Variants in PACS1 observed in about 807,000 individuals in gnomAD.
PACS1 encodes the protein phosphofurin acidic cluster sorting protein 1.
Under a neutral mutation model 115.0 loss-of-function variants are expected in PACS1, and 24 were observed. The observed-to-expected ratio is 0.21, with a 90% CI of 0.15 to 0.29. PACS1 has a LOEUF of 0.29. Among genes scored for constraint, PACS1 ranks in the 10% least tolerant of loss-of-function variants. PACS1 has a pLI of 1.00. For missense variants in PACS1, 838 were observed against 1,251.2 expected (o/e 0.67, Z 4.98); for synonymous variants, 453 against 504.5 (o/e 0.90, Z 1.37).
chr11:66,101,741 C>T (rs905790362), intron 1 of PACS1, among the ~76,000 whole-genome samples: 3 of 152,056 alleles, frequency 2.0e-5, no homozygotes, highest in Non-Finnish European at 4.4e-5. Context: ...ACCTACCAGG[C>T]AGTTGAATAC....
At chr11:66,106,638 G>A (rs1208140583) in intron 1 of PACS1, among the ~76,000 whole-genome samples, 1 of 152,000 alleles carries the variant, frequency 6.6e-6, no homozygotes, top group African/African-American at 2.4e-5. Flanking sequence ...GCTACTGGGT[G>A]GAGGTGAAGA....
intron 2 of PACS1, among the ~76,000 whole-genome samples, chr11:66,206,859 A>T (rs1024079669): frequency 3.3e-5 from 5 of 152,230 alleles, no homozygotes; most frequent in Non-Finnish European, 7.3e-5. Flanking sequence ...TCAGGCCTTC[A>T]TATTCTGTGA....
chr11:66,071,011 CCT>C (rs1857299821), intron 1 of PACS1, among the ~76,000 whole-genome samples, 169 bp downstream of exon 1: 1 of 152,128 alleles, frequency 6.6e-6, no homozygotes, highest in African/African-American at 2.4e-5. Context: ...GGGGACCCGC[CCT>C]CTCCTGGCAG....
intron 1 of PACS1, among the ~76,000 whole-genome samples, chr11:66,157,294 T>C (rs532428791): frequency 6.6e-6 from 1 of 152,212 alleles, no homozygotes; most frequent in South Asian, 2.1e-4. Flanking sequence ...GCCAGAATTT[T>C]TCCCTACAAA....
chr11:66,168,753 T>C (rs1859667808), intron 1 of PACS1, among the ~76,000 whole-genome samples: 1 of 89,434 alleles, frequency 1.1e-5, no homozygotes, highest in African/African-American at 4.8e-5. Flanking sequence ...TATATATATA[T>C]GTGTGTGTGT....
At chr11:66,183,701 G>A (rs1860054950) in intron 1 of PACS1, among the ~76,000 whole-genome samples, 1 of 152,230 alleles carries the variant, frequency 6.6e-6, no homozygotes, top group South Asian at 2.1e-4. Context: ...GCTTTATTGA[G>A]GTGGCAGTGT....
intron 1 of PACS1, among the ~76,000 whole-genome samples, chr11:66,181,460 C>T (rs529793939): frequency 2.4e-4 from 36 of 152,176 alleles, no homozygotes; most frequent in African/African-American, 8.4e-4. Context: ...GTGATCCACC[C>T]ACCTCAGCTT....
intron 1 of PACS1, among the ~76,000 whole-genome samples, chr11:66,161,192 T>C (rs1859481424): frequency 1.3e-5 from 2 of 152,128 alleles, no homozygotes; most frequent in Admixed American, 1.3e-4. Context: ...AATATATATA[T>C]GGCACTCATG....
In PACS1 at chr11:66,227,411, T is replaced by C. The variant is rs574632512; in HGVS notation, c.1294-93T>C. The stretch of plus-strand genomic sequence containing the variant: ...AGATTTTATGAGGTTTGAGATTAAA[T>C]GAAAGTATTTTAAGCTTCATAGGGA... On this transcript the variant is annotated intron_variant, in intron 10 of 23. Transcript: ENST00000320580. 1.7e-5 allele frequency: 12 copies of C among 717,260 alleles called. No individual in the cohort carries two copies. In the Admixed American group the frequency reaches 3.3e-4, roughly 20 times the overall value. The allele number at this position is 717,260 out of a possible 1,614,324, so 44.4% of individuals were successfully genotyped here.
intron 1 of PACS1, among the ~76,000 whole-genome samples, chr11:66,150,151 A>C (rs1389792720): frequency 6.6e-6 from 1 of 152,210 alleles, no homozygotes; most frequent in Non-Finnish European, 1.5e-5. Flanking sequence ...GTGAATATTT[A>C]TACTTTATTA....
chr11:66,209,342 G>A (rs1855018565), intron 2 of PACS1, among the ~76,000 whole-genome samples: 1 of 151,934 alleles, frequency 6.6e-6, no homozygotes, highest in Non-Finnish European at 1.5e-5. Flanking sequence ...TAAGAGGGCT[G>A]TCTAACCCAA....
intron 1 of PACS1, among the ~76,000 whole-genome samples, chr11:66,117,737 T>C (rs1448559021): frequency 6.6e-6 from 1 of 151,800 alleles, no homozygotes; most frequent in Non-Finnish European, 1.5e-5. Flanking sequence ...TTCCAGCTAC[T>C]TGGGAGGCTG....
At chr11:66,220,441 G>C in intron 8 of PACS1, 190 bp from the exon 9 acceptor site, 1 of 589,886 alleles carries the variant, frequency 1.7e-6, no homozygotes, top group South Asian at 2.1e-5. Flanking sequence ...CTGGGGGGAA[G>C]GTGGCCTCAC....
chr11:66,128,021 C>G (rs1431574607), intron 1 of PACS1, among the ~76,000 whole-genome samples: 1 of 152,016 alleles, frequency 6.6e-6, no homozygotes, highest in African/African-American at 2.4e-5. Context: ...CAGCAAATTC[C>G]AAACTGCATT....
In PACS1 at chr11:66,185,747, A is replaced by G. The variant is rs1040193689; in HGVS notation, c.357-7739A>G. Among the ~76,000 whole-genome samples, 5 of 152,180 alleles carry G rather than the reference A, an allele frequency of 3.3e-5. No homozygotes were observed. In the South Asian group the frequency reaches 1.0e-3, roughly 32 times the overall value. The stretch of plus-strand genomic sequence containing the variant: ...CTTTTGAGATATCTTCTCTTCCTTC[A>G]TAAGGATGAGACCCAGGGTTTCCTG... On this transcript the variant is annotated intron_variant, in intron 1 of 23. Coordinates refer to ENST00000320580, the MANE Select transcript of PACS1 (RefSeq NM_018026.4).
At chr11:66,162,295 T>C (rs1042925583) in intron 1 of PACS1, among the ~76,000 whole-genome samples, 1 of 152,018 alleles carries the variant, frequency 6.6e-6, no homozygotes, top group African/African-American at 2.4e-5. Flanking sequence ...CTAATTTTTG[T>C]ATTTTTAGTA....
At chr11:66,199,541 T>C (rs575124511) in intron 2 of PACS1, among the ~76,000 whole-genome samples, 1 of 151,220 alleles carries the variant, frequency 6.6e-6, no homozygotes, top group South Asian at 2.1e-4. Flanking sequence ...AAACATACCA[T>C]CAGAGAAAAT....
rs1381670510 is a variant in PACS1 at position 66,211,125 on chromosome 11, A to G, written c.535-9A>G. The G allele has an allele frequency of 1.2e-6, 2 of 1,613,278 alleles. No individual in the cohort carries two copies. Among genetic ancestry groups the G allele is most frequent in the East Asian group, 4.5e-5 (2 of 44,852 alleles). ...TTAACCACGCTCGACTCTGTTTTGTATTTCGTAGTACCCTCATTTCCTTAA... is the reference window on the plus strand; with the variant it reads ...TTAACCACGCTCGACTCTGTTTTGTGTTTCGTAGTACCCTCATTTCCTTAA... On this transcript the variant is annotated splice_polypyrimidine_tract_variant and intron_variant, in intron 3 of 23. Transcript: ENST00000320580.
chr11:66,207,120 C>G (rs10750779), intron 2 of PACS1, among the ~76,000 whole-genome samples: 31,229 of 151,840 alleles, frequency 0.21, 3,259 homozygotes, highest in Middle Eastern at 0.28. Flanking sequence ...ACAAATATGT[C>G]GATATGTATT....
Sources: allele counts gnomAD v4.1 joint callset (sites outside exome capture counted in the v4.1 genomes callset), GRCh38; gene constraint gnomAD v4.1.1; transcripts MANE v1.5; gene names NCBI Gene and HGNC (gene_info 2026-07-23, HGNC 2026-07-21).